Variants in NWD2 observed in about 807,000 individuals in gnomAD.
The protein encoded by NWD2 is NACHT and WD repeat domain containing 2, also known as NACHT and WD repeat domain-containing protein 2.
NWD2 carries 37 observed loss-of-function variants against 132.7 expected under a neutral mutation model. The observed-to-expected ratio is 0.28, with a 90% CI of 0.21 to 0.37. The LOEUF (loss-of-function observed/expected upper bound fraction) is 0.37. Ranked by LOEUF, NWD2 falls within the 10% of genes least tolerant of loss-of-function variation. The pLI, the probability that NWD2 is intolerant of heterozygous loss-of-function variation, is 1.00. For synonymous variants in NWD2, 705 were observed against 803.0 expected, an observed-to-expected ratio of 0.88 and a Z score of 2.06; for missense variants, 1,592 against 2,122.4, an observed-to-expected ratio of 0.75 and a Z score of 4.91.
chr4:37,427,292 CAA>C, intron 3 of NWD2, among the ~76,000 whole-genome samples: 1 of 152,228 alleles, frequency 6.6e-6, no homozygotes, highest in Non-Finnish European at 1.5e-5. Context: ...ACAACCCTGA[CAA>C]AGAGTGCTGA....
At chr4:37,253,650 T>C (rs1008491882) in intron 1 of NWD2, among the ~76,000 whole-genome samples, 3 of 141,294 alleles carry the variant, frequency 2.1e-5, no homozygotes, top group Non-Finnish European at 3.3e-5. Context: ...ATGATATACA[T>C]GTATCTGTAC....
intron 3 of NWD2, among the ~76,000 whole-genome samples, chr4:37,415,083 C>G (rs371825016): frequency 1.1e-4 from 17 of 152,146 alleles, no homozygotes; most frequent in East Asian, 3.8e-4. Flanking sequence ...GTATAAAAGG[C>G]AATTTAGGCA....
chr4:37,305,849 ATAAT>A lies in NWD2; in HGVS notation c.152-20078_152-20075del, dbSNP rs146402858. On this transcript the variant is annotated intron_variant, in intron 1 of 6. Transcript: ENST00000309447. ...ATGCTACTCTTATAGAATTAATAGA[ATAAT>A]TAATTAATAGAATTAATGTGGAGGA... Among the ~76,000 whole-genome samples the A allele has an allele frequency of 3.1e-3, 468 of 152,292 alleles. 2 individuals carry two copies. The highest frequency in any genetic ancestry group is 9.8e-3 in the African/African-American group (408 of 41,570).
intron 1 of NWD2, among the ~76,000 whole-genome samples, chr4:37,274,498 C>A (rs532081993): frequency 9.9e-4 from 150 of 152,070 alleles, no homozygotes; most frequent in African/African-American, 3.5e-3. Context: ...ATTCTACCAG[C>A]GGTACAAGAA....
At chr4:37,423,904 T>A (rs1321819697) in intron 3 of NWD2, among the ~76,000 whole-genome samples, 1 of 152,214 alleles carries the variant, frequency 6.6e-6, no homozygotes, top group Non-Finnish European at 1.5e-5. Flanking sequence ...AAGTATCTTA[T>A]GTTTGTATTA....
chr4:37,266,975 A>G (rs757297532), intron 1 of NWD2, among the ~76,000 whole-genome samples: 4 of 152,084 alleles, frequency 2.6e-5, no homozygotes, highest in Admixed American at 1.3e-4. Flanking sequence ...TAAGTGCACT[A>G]TGGAGTTTAA....
chr4:37,318,879 T>C (rs1043586928), intron 1 of NWD2, among the ~76,000 whole-genome samples: 2 of 152,188 alleles, frequency 1.3e-5, no homozygotes, highest in East Asian at 1.9e-4. Context: ...CAACCCACCA[T>C]TGATGGGCAC....
intron 1 of NWD2, among the ~76,000 whole-genome samples, chr4:37,294,277 G>A (rs1459731845): frequency 6.6e-6 from 1 of 152,174 alleles, no homozygotes; most frequent in African/African-American, 2.4e-5. Context: ...TATCTTTAAT[G>A]TGCCACTAAT....
intron 1 of NWD2, among the ~76,000 whole-genome samples, chr4:37,248,594 C>G (rs2109253835): frequency 6.6e-6 from 1 of 152,328 alleles, no homozygotes; most frequent in Non-Finnish European, 1.5e-5. Flanking sequence ...TCTGCCAGAA[C>G]AGCACTTATA....
chr4:37,316,039 T>C (rs534245973), intron 1 of NWD2, among the ~76,000 whole-genome samples: 10 of 152,144 alleles, frequency 6.6e-5, no homozygotes, highest in Non-Finnish European at 1.5e-4. Context: ...TTCTACTAAA[T>C]GTAGAAAGAA....
intron 1 of NWD2, among the ~76,000 whole-genome samples, chr4:37,297,036 G>A (rs973769923): frequency 6.6e-6 from 1 of 152,000 alleles, no homozygotes; most frequent in Admixed American, 6.6e-5. Flanking sequence ...AAGAATTCCT[G>A]TACACTCTTA....
chr4:37,326,834 G>T (rs1446583087), intron 2 of NWD2, among the ~76,000 whole-genome samples: 1 of 152,136 alleles, frequency 6.6e-6, no homozygotes, highest in Non-Finnish European at 1.5e-5. Context: ...ATGCACCATT[G>T]TTAGTGGAAG....
At chr4:37,267,579 CG>C (rs1560380817) in intron 1 of NWD2, among the ~76,000 whole-genome samples, 1 of 151,918 alleles carries the variant, frequency 6.6e-6, no homozygotes, top group African/African-American at 2.4e-5. Context: ...ACCTCACCCA[CG>C]GATGCATCTA....
At chr4:37,431,022 T>G (rs576695326) in intron 4 of NWD2, among the ~76,000 whole-genome samples, 9 of 152,234 alleles carry the variant, frequency 5.9e-5, no homozygotes, top group Non-Finnish European at 1.3e-4. Context: ...TAATAGGAGT[T>G]GGAGAGGATG....
At chr4:37,246,977 A>C (rs1717256172) in intron 1 of NWD2, among the ~76,000 whole-genome samples, 1 of 152,206 alleles carries the variant, frequency 6.6e-6, no homozygotes, top group Non-Finnish European at 1.5e-5. Flanking sequence ...TGTCCATATG[A>C]TTCTTCAAAT....
intron 1 of NWD2, among the ~76,000 whole-genome samples, chr4:37,268,733 A>AG (rs397785703): frequency 4.3e-4 from 2 of 4,686 alleles, no homozygotes; most frequent in African/African-American, 6.4e-3. Context: ...TGGCATGAGG[A>AG]ATCAGTGTTT....
intron 1 of NWD2, among the ~76,000 whole-genome samples, chr4:37,302,050 G>A (rs1044527262): frequency 2.0e-5 from 3 of 151,704 alleles, no homozygotes; most frequent in Admixed American, 6.6e-5. Context: ...ACTATAAAAC[G>A]CTAGAAATTA....
At chr4:37,326,985 A>G (rs1404215873) in intron 2 of NWD2, among the ~76,000 whole-genome samples, 1 of 152,148 alleles carries the variant, frequency 6.6e-6, no homozygotes, top group Non-Finnish European at 1.5e-5. Context: ...GACCATGATG[A>G]CACACACATT....
At chr4:37,334,970 C>A (rs2109291900) in intron 2 of NWD2, among the ~76,000 whole-genome samples, 1 of 152,144 alleles carries the variant, frequency 6.6e-6, no homozygotes, top group African/African-American at 2.4e-5. Context: ...GCCATGGGTA[C>A]CCTGACTATT....
Sources: allele counts gnomAD v4.1 joint callset (sites outside exome capture counted in the v4.1 genomes callset), GRCh38; gene constraint gnomAD v4.1.1; transcripts MANE v1.5; gene names NCBI Gene and HGNC (gene_info 2026-07-23, HGNC 2026-07-21).